KCNMB2: variants seen among roughly 807,000 people sequenced by gnomAD.
KCNMB2 encodes the protein potassium calcium-activated channel subfamily M regulatory beta subunit 2, also known as calcium-activated potassium channel subunit beta-2.
Under a neutral mutation model 24.5 loss-of-function variants are expected in KCNMB2, and 9 were observed. The ratio of observed to expected loss-of-function variants is 0.37; its 90% CI spans 0.22 to 0.64. The LOEUF (loss-of-function observed/expected upper bound fraction) is 0.64. Among genes scored for constraint, KCNMB2 ranks in the 30% least tolerant of loss-of-function variants. KCNMB2 has a pLI of 0.63. For synonymous variants in KCNMB2, 109 were observed against 104.4 expected, an observed-to-expected ratio of 1.04 and a Z score of -0.27; for missense variants, 226 against 284.3, an observed-to-expected ratio of 0.79 and a Z score of 1.47.
rs9820752 is a variant in KCNMB2, at chr3:178,729,564, A to G, written c.-67-77779A>G. On this transcript the variant is annotated intron_variant, in intron 1 of 4. Transcript: ENST00000452583. ...CATATTTTATGTGGTGAGATTTTCA[A>G]TTAGTCTGGTGCTGGGGCGAAGTCA... is the stretch of plus-strand genomic sequence containing the variant. Among the ~76,000 whole-genome samples, 11 of 152,286 alleles carry G rather than the reference A, an allele frequency of 7.2e-5. No individual in the cohort carries two copies. The South Asian group carries it at 1.9e-3, about 26-fold the overall frequency.
At chr3:178,731,905 A>C (rs764471889) in intron 1 of KCNMB2, among the ~76,000 whole-genome samples, 1 of 152,200 alleles carries the variant, frequency 6.6e-6, no homozygotes, top group South Asian at 2.1e-4. Context: ...CTCCGTCTCA[A>C]AATTAAAATC....
rs1288973212 is a variant in KCNMB2, at chr3:178,781,843, GGTTA to G, written c.-67-25495_-67-25492del. 1.7e-3 allele frequency among the ~76,000 whole-genome samples: 262 copies of G among 149,946 alleles called. 3 individuals carry two copies. Among genetic ancestry groups the G allele is most frequent in the African/African-American group, 6.1e-3 (247 of 40,736 alleles). On this transcript the variant is annotated intron_variant, in intron 1 of 4. Coordinates refer to ENST00000452583, the MANE Select transcript of KCNMB2 (RefSeq NM_181361.3). ...TTAGGGTACATGTGCACATAGTGCA[GGTTA>G]GTTACATATGTATACATGTGCCATG...
rs1307394475 is a variant in KCNMB2 at position 178,842,573 on chromosome 3, TG to T, written c.424-78del. ...ATGGTTATTTCACAGATCACTAATT[TG>T]GACACAATACTCCACCCCCTCCTAG... On this transcript the variant is annotated intron_variant, in intron 4 of 4. Transcript: ENST00000452583. 5 of 924,054 alleles carry T rather than the reference TG, an allele frequency of 5.4e-6. No homozygotes were observed. The East Asian group carries it at 1.2e-4, about 22-fold the overall frequency. 57.2% of individuals were successfully genotyped at this position (924,054 alleles called of 1,614,324 possible).
At position 178,661,505 on chromosome 3, in the gene KCNMB2, G is replaced by A. The variant is rs940916048; in HGVS notation, c.-68+124794G>A. On this transcript the variant is annotated intron_variant, in intron 1 of 4. Transcript: ENST00000452583. ...TTGTGAGCTATACAGTCTCTCTTGC[G>A]GTCACTCTACTCTGCCACTGTAGTG... 2.6e-5 allele frequency among the ~76,000 whole-genome samples: 4 copies of A among 151,956 alleles called. No individual in the cohort carries two copies. The East Asian group carries it at 5.8e-4, about 22-fold the overall frequency.
intron 1 of KCNMB2, among the ~76,000 whole-genome samples, chr3:178,649,859 C>A (rs1425249942): frequency 6.6e-6 from 1 of 151,706 alleles, no homozygotes; most frequent in African/African-American, 2.4e-5. Context: ...CTGCTCTGAG[C>A]TTAGTTATTT....
chr3:178,592,248 A>G (rs1009076064), intron 1 of KCNMB2, among the ~76,000 whole-genome samples: 1 of 152,152 alleles, frequency 6.6e-6, no homozygotes, highest in African/African-American at 2.4e-5. Flanking sequence ...TTAGCCCTCA[A>G]ACAAAGCATT....
chr3:178,666,879 G>A (rs1285241934), intron 1 of KCNMB2, among the ~76,000 whole-genome samples: 1 of 152,058 alleles, frequency 6.6e-6, no homozygotes, highest in African/African-American at 2.4e-5. Flanking sequence ...ATTTGTCCCA[G>A]GACCCCCTAC....
chr3:178,718,202 A>C (rs191135189), intron 1 of KCNMB2, among the ~76,000 whole-genome samples: 1 of 152,342 alleles, frequency 6.6e-6, no homozygotes, highest in Admixed American at 6.5e-5. Context: ...CACTTAACAA[A>C]TTACAGGTAT....
At chr3:178,582,196 G>A (rs369940253) in intron 1 of KCNMB2, among the ~76,000 whole-genome samples, 1 of 152,166 alleles carries the variant, frequency 6.6e-6, no homozygotes, top group East Asian at 1.9e-4. Context: ...AAAAGGATGA[G>A]TTCATGTCCT....
At chr3:178,785,030 T>C (rs1450413843) in intron 1 of KCNMB2, among the ~76,000 whole-genome samples, 2 of 151,974 alleles carry the variant, frequency 1.3e-5, no homozygotes, top group African/African-American at 4.8e-5. Context: ...TGCTCTTAAT[T>C]TAGCATGTTA....
chr3:178,609,258 T>C (rs1256079185), intron 1 of KCNMB2, among the ~76,000 whole-genome samples: 1 of 152,224 alleles, frequency 6.6e-6, no homozygotes, highest in African/African-American at 2.4e-5. Flanking sequence ...CACCTTTACA[T>C]ATTCCTGTTT....
chr3:178,701,300 T>C (rs1164705238), intron 1 of KCNMB2, among the ~76,000 whole-genome samples: 1 of 152,232 alleles, frequency 6.6e-6, no homozygotes, highest in Non-Finnish European at 1.5e-5. Flanking sequence ...GGCTCTGTTC[T>C]GTTCCATTAG....
At chr3:178,796,063 A>G (rs1475495887) in intron 1 of KCNMB2, among the ~76,000 whole-genome samples, 1 of 152,154 alleles carries the variant, frequency 6.6e-6, no homozygotes, top group Admixed American at 6.5e-5. Context: ...ATGCTTGTGA[A>G]GTCAAGCAAG....
intron 1 of KCNMB2, among the ~76,000 whole-genome samples, chr3:178,583,486 T>C (rs1038400350): frequency 6.6e-6 from 1 of 152,224 alleles, no homozygotes; most frequent in African/African-American, 2.4e-5. Context: ...TAATTGTAAA[T>C]AGTTAAGAAC....
At chr3:178,740,987 A>G (rs1348775945) in intron 1 of KCNMB2, among the ~76,000 whole-genome samples, 1 of 152,228 alleles carries the variant, frequency 6.6e-6, no homozygotes, top group Non-Finnish European at 1.5e-5. Context: ...AAAAGGGTAT[A>G]AGGCTTAGAG....
At chr3:178,609,315 G>A (rs1718392195) in intron 1 of KCNMB2, among the ~76,000 whole-genome samples, 1 of 151,904 alleles carries the variant, frequency 6.6e-6, no homozygotes, top group African/African-American at 2.4e-5. Flanking sequence ...CAAATCTTGT[G>A]CCCATTTTTT....
intron 2 of KCNMB2, among the ~76,000 whole-genome samples, chr3:178,812,083 A>G (rs1560031323): frequency 6.6e-6 from 1 of 151,916 alleles, no homozygotes; most frequent in African/African-American, 2.4e-5. Flanking sequence ...TTTCTACTGG[A>G]TTGTTTGTCT....
chr3:178,713,322 A>C (rs556286593), intron 1 of KCNMB2, among the ~76,000 whole-genome samples: 2 of 152,368 alleles, frequency 1.3e-5, no homozygotes, highest in African/African-American at 4.8e-5. Flanking sequence ...ATATCTGAAC[A>C]GTCAAATCAC....
chr3:178,793,517 G>GC (rs1553778520), intron 1 of KCNMB2, among the ~76,000 whole-genome samples: 1 of 151,586 alleles, frequency 6.6e-6, no homozygotes, highest in African/African-American at 2.4e-5. Context: ...TTCACCCTGG[G>GC]GGGGTGGGCA....
Sources: allele counts gnomAD v4.1 joint callset (sites outside exome capture counted in the v4.1 genomes callset), GRCh38; gene constraint gnomAD v4.1.1; transcripts MANE v1.5; gene names NCBI Gene and HGNC (gene_info 2026-07-23, HGNC 2026-07-21).